Variants in ENOX2 observed in about 807,000 individuals in gnomAD.
The protein encoded by ENOX2 is ecto-NOX disulfide-thiol exchanger 2, also known as APK1 antigen.
Under a neutral mutation model 45.0 loss-of-function variants are expected in ENOX2, and 36 were observed. The ratio of observed to expected loss-of-function variants is 0.80; its 90% CI spans 0.61 to 1.06. The LOEUF (loss-of-function observed/expected upper bound fraction) is 1.06. ENOX2 is among the 50% of genes least tolerant of loss of function. ENOX2 has a pLI of 0.00. For synonymous variants in ENOX2, 174 were observed against 152.3 expected, an observed-to-expected ratio of 1.14 and a Z score of -1.05; for missense variants, 423 against 462.5, an observed-to-expected ratio of 0.91 and a Z score of 0.78.
chrX:130,866,656 C>T (rs1257396837), intron 2 of ENOX2, among the ~76,000 whole-genome samples: 2 of 111,645 alleles, frequency 1.8e-5, no homozygotes, highest in Non-Finnish European at 3.8e-5. Flanking sequence ...ATGCTCAAGT[C>T]TCTCGTTCCG....
At chrX:130,753,125 T>C (rs1368224389) in intron 3 of ENOX2, among the ~76,000 whole-genome samples, 2 of 111,326 alleles carry the variant, frequency 1.8e-5, no homozygotes, top group African/African-American at 3.3e-5. Flanking sequence ...TTCTTGACTT[T>C]CTTTCTCACT....
intron 5 of ENOX2, among the ~76,000 whole-genome samples, chrX:130,684,287 G>A (rs1418447671): frequency 8.9e-6 from 1 of 112,222 alleles, no homozygotes; most frequent in African/African-American, 3.2e-5. Context: ...ACACAAGGAG[G>A]TTGAGACCAA....
intron 2 of ENOX2, among the ~76,000 whole-genome samples, chrX:130,794,050 A>G (rs2077082688): frequency 9.0e-6 from 1 of 111,589 alleles, no homozygotes; most frequent in Non-Finnish European, 1.9e-5. Context: ...CTTTCTCTCC[A>G]CATCTTTTGG....
intron 2 of ENOX2, among the ~76,000 whole-genome samples, chrX:130,869,873 G>T (rs1188002772): frequency 7.2e-5 from 8 of 110,928 alleles, no homozygotes; most frequent in Non-Finnish European, 1.3e-4. Context: ...AAACTTAACA[G>T]AAATAGGCAC....
intron 3 of ENOX2, among the ~76,000 whole-genome samples, chrX:130,712,966 A>G (rs542615723): frequency 8.9e-6 from 1 of 112,258 alleles, no homozygotes. Flanking sequence ...GTATTATACA[A>G]TATAATTCTT....
chrX:130,656,311 C>T (rs1456175292), intron 10 of ENOX2, among the ~76,000 whole-genome samples: 1 of 112,452 alleles, frequency 8.9e-6, no homozygotes, highest in Non-Finnish European at 1.9e-5. Context: ...TAGGTTACAG[C>T]TGCTTAAATG....
intron 3 of ENOX2, among the ~76,000 whole-genome samples, chrX:130,731,805 T>A (rs1329791740): frequency 8.9e-6 from 1 of 111,838 alleles, no homozygotes; most frequent in Non-Finnish European, 1.9e-5. Flanking sequence ...TTCAACACCC[T>A]TTTTTGATAA....
At chrX:130,766,674 C>T (rs971405300) in intron 3 of ENOX2, among the ~76,000 whole-genome samples, 1 of 111,480 alleles carries the variant, frequency 9.0e-6, no homozygotes, top group African/African-American at 3.3e-5. Context: ...ATTTTTCCAG[C>T]TCCATTTGTT....
In ENOX2 at chrX:130,631,593, C is replaced by T; in HGVS notation, c.1420-17G>A. On this transcript the variant is annotated splice_polypyrimidine_tract_variant and intron_variant, in intron 12 of 14. Coordinates refer to ENST00000394363, the MANE Select transcript of ENOX2 (RefSeq NM_006375.4). ...ACAGCTTTCCTGTGGACACAACATG[C>T]TTCTAGGTCAGTTCACTTTATTTGG... 8.9e-6 allele frequency: 9 copies of T among 1,011,698 alleles called. No individual in the cohort carries two copies. The highest frequency in any genetic ancestry group is 1.3e-5 in the Non-Finnish European group (9 of 714,708). 83.4% of individuals were successfully genotyped at this position (1,011,698 alleles called of 1,213,427 possible).
chrX:130,773,988 G>GAGCAGAGAA (rs769144149), intron 3 of ENOX2, among the ~76,000 whole-genome samples: 1 of 111,999 alleles, frequency 8.9e-6, no homozygotes, highest in Non-Finnish European at 1.9e-5. Flanking sequence ...TCAGGAAATA[G>GAGCAGAGAA]AGCAGAGAAA....
At chrX:130,768,618 A>T (rs1193333879) in intron 3 of ENOX2, among the ~76,000 whole-genome samples, 1 of 111,886 alleles carries the variant, frequency 8.9e-6, no homozygotes, top group Non-Finnish European at 1.9e-5. Flanking sequence ...CAGGGCTACA[A>T]ATTCTTGTCC....
rs186814690 is a variant in ENOX2 at position 130,823,085 on chromosome X, T to C, written c.-182-39395A>G. 8.9e-3 allele frequency among the ~76,000 whole-genome samples: 998 copies of C among 112,137 alleles called. 4 individuals are homozygous for C. The highest frequency in any genetic ancestry group is 0.018 in the Middle Eastern group (4 of 218). On this transcript the variant is annotated intron_variant, in intron 2 of 14. Transcript: ENST00000394363. ...CTTTTATTTTACTATGAGACTTGGA[T>C]GCTAACTGTCTTCTTTCATAGTTTA... is the stretch of plus-strand genomic sequence containing the variant.
intron 2 of ENOX2, among the ~76,000 whole-genome samples, chrX:130,880,454 T>C (rs1038422813): frequency 4.5e-5 from 5 of 111,959 alleles, no homozygotes; most frequent in African/African-American, 1.6e-4. Flanking sequence ...TAAAAGGACC[T>C]ACATTTATAT....
At chrX:130,744,899 A>T (rs1382211121) in intron 3 of ENOX2, among the ~76,000 whole-genome samples, 2 of 111,608 alleles carry the variant, frequency 1.8e-5, no homozygotes, top group African/African-American at 6.5e-5. Context: ...CAGAGCAGCA[A>T]CAACATTAGA....
intron 3 of ENOX2, among the ~76,000 whole-genome samples, chrX:130,748,461 A>G (rs1431789733): frequency 1.8e-5 from 2 of 111,992 alleles, no homozygotes; most frequent in Non-Finnish European, 3.8e-5. Flanking sequence ...CCTACTTAGT[A>G]GTCTACTCTT....
chrX:130,744,930 C>G (rs766025709), intron 3 of ENOX2, among the ~76,000 whole-genome samples: 5 of 111,155 alleles, frequency 4.5e-5, no homozygotes, highest in Admixed American at 9.5e-5. Flanking sequence ...AGTGCGAACC[C>G]TATTGTGAAT....
chrX:130,818,175 T>G (rs1304983804), intron 2 of ENOX2, among the ~76,000 whole-genome samples: 1 of 110,931 alleles, frequency 9.0e-6, no homozygotes, highest in African/African-American at 3.3e-5. Context: ...ACAAAGAGAA[T>G]AAAATACCTA....
chrX:130,814,463 G>A (rs1257618257), intron 2 of ENOX2, among the ~76,000 whole-genome samples: 1 of 112,043 alleles, frequency 8.9e-6, no homozygotes, highest in Non-Finnish European at 1.9e-5. Flanking sequence ...ATACCTCCCA[G>A]CAGTGGTCGA....
At chrX:130,771,932 A>C (rs1017377191) in intron 3 of ENOX2, among the ~76,000 whole-genome samples, 3 of 112,005 alleles carry the variant, frequency 2.7e-5, no homozygotes, top group Non-Finnish European at 5.6e-5. Context: ...TATGGTGAAA[A>C]GACTTTCACT....
Sources: gnomAD v4.1 joint callset for allele counts (sites outside exome capture counted in the v4.1 genomes callset) on GRCh38, gnomAD v4.1.1 for gene constraint, MANE v1.5 for transcripts, NCBI Gene and HGNC (gene_info 2026-07-23, HGNC 2026-07-21) for gene names.